TRPC3: variants seen among roughly 807,000 people sequenced by gnomAD.
TRPC3 encodes the protein transient receptor potential cation channel subfamily C member 3.
Under a neutral mutation model 90.9 loss-of-function variants are expected in TRPC3, and 54 were observed. The observed-to-expected ratio is 0.59, with a 90% CI of 0.48 to 0.75. The LOEUF (loss-of-function observed/expected upper bound fraction) is 0.75. TRPC3 is among the 30% of genes least tolerant of loss of function. TRPC3 has a pLI of 0.00. For synonymous variants in TRPC3, 424 were observed against 450.9 expected, an observed-to-expected ratio of 0.94 and a Z score of 0.75; for missense variants, 918 against 1,194.5, an observed-to-expected ratio of 0.77 and a Z score of 3.41.
chr4:121,932,760 C>G lies in TRPC3; in HGVS notation c.498G>C (p.Leu166=). The change falls in exon 2 of 12, where the codon CTG becomes CTC. Residue 166 remains leucine (L), a synonymous_variant. Transcript: ENST00000379645. This position sits in a 1 kb window ranked among gnomAD's most constrained non-coding sequence, Gnocchi z 7.7. ...TGCGCGCCAGGTTCTCCTTCTTGAG[C>G]AGCAGCTCGGTCACCTCCAGGTGCT... is the stretch of plus-strand genomic sequence containing the variant. ...GNEHLEVTEL[L]LKKENLARIG... 1 of 1,613,634 alleles carries G rather than the reference C, an allele frequency of 6.2e-7. No individual in the cohort carries two copies. Among genetic ancestry groups the G allele is most frequent in the African/African-American group, 1.3e-5 (1 of 75,072 alleles).
chr4:121,901,095 A>G (rs1242401741), intron 9 of TRPC3, among the ~76,000 whole-genome samples: 1 of 152,216 alleles, frequency 6.6e-6, no homozygotes, highest in Non-Finnish European at 1.5e-5. Context: ...AATATCAGGA[A>G]TGAAGTCAGT....
At position 121,891,147 on chromosome 4, in the gene TRPC3, C is replaced by T. The variant is rs574569870; in HGVS notation, c.2547+8465G>A. Reference sequence around the variant, plus strand: ...CGGTCAACTATATGAGGAAAACAATCAGGCTGGCCTCAAACTCTTCCACAT... The same window carrying T: ...CGGTCAACTATATGAGGAAAACAATTAGGCTGGCCTCAAACTCTTCCACAT... On this transcript the variant is annotated intron_variant, in intron 10 of 11. Coordinates refer to ENST00000379645, the MANE Select transcript of TRPC3 (RefSeq NM_001130698.2). Among the ~76,000 whole-genome samples the T allele has an allele frequency of 3.9e-4, 60 of 152,280 alleles. 1 individual carries two copies. Among genetic ancestry groups the T allele is most frequent in the African/African-American group, 1.3e-3 (56 of 41,546 alleles).
chr4:121,898,469 T>C (rs1474003865), intron 10 of TRPC3, among the ~76,000 whole-genome samples: 1 of 152,198 alleles, frequency 6.6e-6, no homozygotes. Context: ...GAGAATCTAA[T>C]GCCTGAAGAG....
At chr4:121,925,760 T>C (rs758032782) in intron 2 of TRPC3, among the ~76,000 whole-genome samples, 2 of 152,322 alleles carry the variant, frequency 1.3e-5, no homozygotes, top group South Asian at 2.1e-4. Flanking sequence ...CATTTCACAT[T>C]GTATACATAC....
Position 121,893,013 on chromosome 4 carries a change from C to T in TRPC3, c.2547+6599G>A, listed in dbSNP as rs1361246868. Among the ~76,000 whole-genome samples, 4 of 150,358 alleles carry T rather than the reference C, an allele frequency of 2.7e-5. No homozygotes were observed. In the South Asian group the frequency reaches 8.4e-4, roughly 32 times the overall value. The stretch of plus-strand genomic sequence containing the variant: ...GCAGGCACCAGTAGTCCCAGCTACT[C>T]GGGAGGCTGAGGCAGGAGAATTGCT... On this transcript the variant is annotated intron_variant, in intron 10 of 11. Coordinates refer to ENST00000379645, the MANE Select transcript of TRPC3 (RefSeq NM_001130698.2).
chr4:121,907,955 A>G (rs1166700152), intron 6 of TRPC3, among the ~76,000 whole-genome samples: 1 of 152,146 alleles, frequency 6.6e-6, no homozygotes, highest in East Asian at 1.9e-4. Flanking sequence ...TCCTATAGGC[A>G]CAGCCGGAGT....
At chr4:121,886,893 T>G (rs1312307110) in intron 10 of TRPC3, among the ~76,000 whole-genome samples, 2 of 152,210 alleles carry the variant, frequency 1.3e-5, no homozygotes, top group African/African-American at 4.8e-5. Flanking sequence ...CAAGTTGCCC[T>G]GAATATGTGC....
rs1475113219 is a variant in TRPC3, at chr4:121,875,026, A to T, written c.*4710T>A. Reference sequence around the variant, plus strand: ...AAGATAAACATTTCAATATGTCACAACAATGTTTAAATGAAAACAAAAATA... The same window carrying T: ...AAGATAAACATTTCAATATGTCACATCAATGTTTAAATGAAAACAAAAATA... On this transcript the variant is annotated 3_prime_UTR_variant, in exon 12 of 12. Transcript: ENST00000379645. Among the ~76,000 whole-genome samples the T allele has an allele frequency of 6.6e-6, 1 of 152,104 alleles. No individual in the cohort carries two copies. The highest frequency in any genetic ancestry group is 1.5e-5 in the Non-Finnish European group (1 of 68,028).
In TRPC3 at chr4:121,876,605, T is replaced by C. The variant is rs568200597; in HGVS notation, c.*3131A>G. Among the ~76,000 whole-genome samples, 2 of 152,250 alleles carry C rather than the reference T, an allele frequency of 1.3e-5. No individual in the cohort carries two copies. The highest frequency in any genetic ancestry group is 2.9e-5 in the Non-Finnish European group (2 of 68,048). On this transcript the variant is annotated 3_prime_UTR_variant, in exon 12 of 12. Transcript: ENST00000379645. ...AAATATATTGACATATTGGGTAAGA[T>C]AGTTATCCTAAATTGTACCAAATTT...
At chr4:121,918,193 G>A (rs374698115) in intron 3 of TRPC3, among the ~76,000 whole-genome samples, 2 of 152,268 alleles carry the variant, frequency 1.3e-5, no homozygotes, top group African/African-American at 4.8e-5. Context: ...CCCCTCTAGA[G>A]GATGCAGCCC....
In TRPC3 at chr4:121,951,359, G is replaced by T; in HGVS notation, c.215+107C>A. 1 of 680,278 alleles carries T rather than the reference G, an allele frequency of 1.5e-6. No homozygotes were observed. The highest frequency in any genetic ancestry group is 1.9e-6 in the Non-Finnish European group (1 of 521,038). The allele number at this position is 680,278 out of a possible 1,614,324, so 42.1% of individuals were successfully genotyped here. A position where few individuals can be genotyped will look rare whatever the true frequency, so the allele number is the denominator to read the frequency against. On this transcript the variant is annotated intron_variant, in intron 1 of 11. Transcript: ENST00000379645. This position sits in a 1 kb window ranked among gnomAD's most constrained non-coding sequence, Gnocchi z 4.4. ...CGAACTGCCTGGCCGTACCATGTGG[G>T]TCTCGGAGGTCCCGGGCTCGACGTG...
intron 9 of TRPC3, 67 bp downstream of exon 9, chr4:121,902,785 C>T (rs959163475): frequency 8.1e-7 from 1 of 1,227,676 alleles, no homozygotes; most frequent in Non-Finnish European, 1.1e-6. Flanking sequence ...ATTGAACAAA[C>T]ATCAGAAGAC....
chr4:121,930,489 T>C (rs1413490027), intron 2 of TRPC3, among the ~76,000 whole-genome samples: 1 of 152,156 alleles, frequency 6.6e-6, no homozygotes, highest in Non-Finnish European at 1.5e-5. Flanking sequence ...CTTAGTCAGC[T>C]TCAGGGTAAA....
chr4:121,937,893 T>C (rs372353023), intron 1 of TRPC3, among the ~76,000 whole-genome samples: 1 of 152,114 alleles, frequency 6.6e-6, no homozygotes, highest in Non-Finnish European at 1.5e-5. Flanking sequence ...CTATATTCCA[T>C]GTGTTTTAAA....
At chr4:121,898,529 C>G (rs1451942892) in intron 10 of TRPC3, among the ~76,000 whole-genome samples, 1 of 152,152 alleles carries the variant, frequency 6.6e-6, no homozygotes, top group Admixed American at 6.5e-5. Context: ...TCATTCCACC[C>G]CATCTGTGAA....
chr4:121,941,597 GAA>G (rs1730312957), intron 1 of TRPC3, among the ~76,000 whole-genome samples: 2 of 27,670 alleles, frequency 7.2e-5, no homozygotes, highest in African/African-American at 2.7e-4. Flanking sequence ...CAAAAGACAA[GAA>G]AGTCAGAGAA....
rs1727743755 is a variant in TRPC3, at chr4:121,875,737, G to A, written c.*3999C>T. ...GCTAAAAATAAAAGCAATTTAAACT[G>A]CATTAAAGTTAAAACCATCAACACG... On this transcript the variant is annotated 3_prime_UTR_variant, in exon 12 of 12. Transcript: ENST00000379645. 6.6e-6 allele frequency among the ~76,000 whole-genome samples: 1 copy of A among 152,094 alleles called. No homozygotes were observed. Among genetic ancestry groups the A allele is most frequent in the South Asian group, 2.1e-4 (1 of 4,830 alleles).
intron 1 of TRPC3, among the ~76,000 whole-genome samples, chr4:121,935,644 TG>T (rs1730105756): frequency 6.6e-6 from 1 of 152,142 alleles, no homozygotes; most frequent in Non-Finnish European, 1.5e-5. Context: ...ATTCTTCAAA[TG>T]GCTAGAAATT....
chr4:121,899,102 A>G (rs1215645692), intron 10 of TRPC3, among the ~76,000 whole-genome samples: 2 of 152,212 alleles, frequency 1.3e-5, no homozygotes, highest in African/African-American at 4.8e-5. Flanking sequence ...TGAGTTGGAG[A>G]ATAGTGTTCA....
Sources: allele counts gnomAD v4.1 joint callset (sites outside exome capture counted in the v4.1 genomes callset), GRCh38; gene constraint gnomAD v4.1.1; non-coding constraint Gnocchi (gnomAD v3.1); transcripts MANE v1.5; gene names NCBI Gene and HGNC (gene_info 2026-07-23, HGNC 2026-07-21).